Variants in SGK3 observed in about 807,000 individuals in gnomAD.
The protein encoded by SGK3 is serum/glucocorticoid regulated kinase family member 3.
SGK3 carries 47 observed loss-of-function variants against 68.5 expected under a neutral mutation model. That is an observed-to-expected ratio of 0.69 (90% CI 0.54 to 0.87). The LOEUF is 0.87. SGK3 is among the 40% of genes least tolerant of loss of function. The probability of loss-of-function intolerance (pLI) is 0.00; values close to 1 mark genes in which losing one functional copy is unlikely to be tolerated. For missense variants in SGK3, 479 were observed against 575.5 expected (o/e 0.83, Z 1.72); for synonymous variants, 181 against 189.1 (o/e 0.96, Z 0.35).
chr8:66,835,036 G>A (rs1014195340), intron 8 of SGK3, among the ~76,000 whole-genome samples: 3 of 152,048 alleles, frequency 2.0e-5, no homozygotes, highest in African/African-American at 7.3e-5. Context: ...TGGTGAGGTC[G>A]AGGCAGGTGG....
At chr8:66,807,806 A>C (rs1225358996) in intron 4 of SGK3, among the ~76,000 whole-genome samples, 1 of 152,240 alleles carries the variant, frequency 6.6e-6, no homozygotes, top group Non-Finnish European at 1.5e-5. Context: ...AATAAGCTGC[A>C]TATGATATAA....
intron 1 of SGK3, among the ~76,000 whole-genome samples, chr8:66,770,728 C>T (rs1446124695): frequency 6.6e-6 from 1 of 152,162 alleles, no homozygotes; most frequent in Non-Finnish European, 1.5e-5. Context: ...TCTTCACATG[C>T]ATGCACTGAT....
chr8:66,713,099 C>G (rs751480508), intron 1 of SGK3, among the ~76,000 whole-genome samples: 10 of 152,222 alleles, frequency 6.6e-5, no homozygotes, highest in African/African-American at 7.2e-5. Flanking sequence ...GCCGCCGAGC[C>G]TGGAGGAACT....
At chr8:66,837,392 A>C (rs1809580605) in intron 10 of SGK3, among the ~76,000 whole-genome samples, 1 of 152,334 alleles carries the variant, frequency 6.6e-6, no homozygotes, top group Non-Finnish European at 1.5e-5. Context: ...ATTAGTTAAT[A>C]TTCTGCAAAA....
At chr8:66,839,964 A>G (rs1033477943) in intron 10 of SGK3, 39 bp from the exon 11 acceptor site, 3 of 1,560,830 alleles carry the variant, frequency 1.9e-6, no homozygotes, top group Non-Finnish European at 2.6e-6. Flanking sequence ...AATGATCCTA[A>G]CATTCTCTCT....
chr8:66,714,001 T>A (rs1804566915), intron 1 of SGK3, among the ~76,000 whole-genome samples: 1 of 152,200 alleles, frequency 6.6e-6, no homozygotes, highest in Non-Finnish European at 1.5e-5. Context: ...GAATGACTTG[T>A]GTAACATGGT....
chr8:66,859,329 G>C (rs1810665692), intron 16 of SGK3, 82 bp from the exon 17 acceptor site: 8 of 1,402,220 alleles, frequency 5.7e-6, no homozygotes, highest in Non-Finnish European at 7.5e-6. Flanking sequence ...GTGAGACTCT[G>C]TCTCAAATAA....
chr8:66,751,407 T>A (rs1805815222), intron 1 of SGK3, among the ~76,000 whole-genome samples: 1 of 152,230 alleles, frequency 6.6e-6, no homozygotes, highest in Non-Finnish European at 1.5e-5. Context: ...TATGAGCTTC[T>A]TAAAATACCA....
intron 1 of SGK3, among the ~76,000 whole-genome samples, chr8:66,773,132 G>C (rs1029383620): frequency 6.6e-6 from 1 of 152,212 alleles, no homozygotes; most frequent in African/African-American, 2.4e-5. Flanking sequence ...GATGTTAGTT[G>C]TAAGTTGTGG....
intron 1 of SGK3, among the ~76,000 whole-genome samples, chr8:66,783,883 G>C (rs570171901): frequency 6.6e-6 from 1 of 151,936 alleles, no homozygotes; most frequent in South Asian, 2.1e-4. Flanking sequence ...GTTTTTTGTT[G>C]TCGTTGTTTG....
intron 1 of SGK3, among the ~76,000 whole-genome samples, chr8:66,739,934 C>G (rs1805431943): frequency 6.6e-6 from 1 of 152,158 alleles, no homozygotes; most frequent in Admixed American, 6.5e-5. Context: ...TGGGAAACTG[C>G]CCCCATGATT....
At chr8:66,851,055 A>G in intron 16 of SGK3, 135 bp downstream of exon 16, 1 of 916,684 alleles carries the variant, frequency 1.1e-6, no homozygotes. Context: ...TATGTCACTC[A>G]GGGTTGTCTA....
intron 1 of SGK3, chr8:66,767,770 C>T (rs1216146432): frequency 6.3e-7 from 1 of 1,578,112 alleles, no homozygotes. Flanking sequence ...TTTGAGGGGT[C>T]CATTGGTCTT....
chr8:66,763,851 C>G (rs1223147856), intron 1 of SGK3, among the ~76,000 whole-genome samples: 2 of 151,904 alleles, frequency 1.3e-5, no homozygotes, highest in Non-Finnish European at 2.9e-5. Context: ...TAATTTTCTT[C>G]CTTTTTAAAA....
chr8:66,739,877 A>C (rs1431604840), intron 1 of SGK3, among the ~76,000 whole-genome samples: 1 of 152,196 alleles, frequency 6.6e-6, no homozygotes, highest in African/African-American at 2.4e-5. Flanking sequence ...AAACCATCAG[A>C]TCTCATGAGA....
chr8:66,805,947 CT>C (rs1171799941), intron 4 of SGK3, among the ~76,000 whole-genome samples: 2 of 152,194 alleles, frequency 1.3e-5, no homozygotes, highest in Admixed American at 6.5e-5. Flanking sequence ...ATTCGTTTTC[CT>C]CCCAGACCAT....
At chr8:66,713,152 G>A (rs962365867) in intron 1 of SGK3, among the ~76,000 whole-genome samples, 1 of 152,252 alleles carries the variant, frequency 6.6e-6, no homozygotes, top group Non-Finnish European at 1.5e-5. Context: ...TCGAAAGTGG[G>A]TGCAGGTCAC....
At chr8:66,814,151 A>G (rs984301071) in intron 5 of SGK3, among the ~76,000 whole-genome samples, 1 of 152,060 alleles carries the variant, frequency 6.6e-6, no homozygotes, top group African/African-American at 2.4e-5. Context: ...TATAGATTAT[A>G]CTTGAAATGA....
chr8:66,817,034 G>A (rs893699297), intron 5 of SGK3, among the ~76,000 whole-genome samples: 1 of 151,174 alleles, frequency 6.6e-6, no homozygotes, highest in African/African-American at 2.4e-5. Flanking sequence ...TTTCATCAAT[G>A]GGCCAGGCTG....
Sources: allele counts gnomAD v4.1 joint callset (sites outside exome capture counted in the v4.1 genomes callset), GRCh38; gene constraint gnomAD v4.1.1; transcripts MANE v1.5; gene names NCBI Gene and HGNC (gene_info 2026-07-23, HGNC 2026-07-21).